EXT1: variants seen among roughly 807,000 people sequenced by gnomAD.
EXT1 encodes exostosin-1.
Under a neutral mutation model 82.5 loss-of-function variants are expected in EXT1, and 20 were observed. The ratio of observed to expected loss-of-function variants is 0.24; its 90% CI spans 0.17 to 0.35. The LOEUF (loss-of-function observed/expected upper bound fraction) is 0.35. Ranked by LOEUF, EXT1 falls within the 10% of genes least tolerant of loss-of-function variation. The pLI, the probability that EXT1 is intolerant of heterozygous loss-of-function variation, is 1.00. For synonymous variants in EXT1, 348 were observed against 350.8 expected (o/e 0.99, Z 0.09); for missense variants, 757 against 936.5 (o/e 0.81, Z 2.50).
intron 1 of EXT1, among the ~76,000 whole-genome samples, chr8:117,973,725 G>A (rs548929695): frequency 2.1e-4 from 31 of 150,738 alleles, no homozygotes; most frequent in Non-Finnish European, 2.5e-4. Context: ...CCGTAATCAC[G>A]CCACTGCACT....
At chr8:117,979,223 G>C (rs1015304847) in intron 1 of EXT1, among the ~76,000 whole-genome samples, 3 of 151,900 alleles carry the variant, frequency 2.0e-5, no homozygotes, top group African/African-American at 7.3e-5. Context: ...CACTGGGGGG[G>C]TGCACCTGTA....
chr8:118,034,687 T>C (rs1230190337), intron 1 of EXT1, among the ~76,000 whole-genome samples: 1 of 152,202 alleles, frequency 6.6e-6, no homozygotes, highest in Non-Finnish European at 1.5e-5. Context: ...TCTACTTTCC[T>C]GATATGGTCT....
At chr8:117,869,443 A>C (rs1294289271) in intron 1 of EXT1, among the ~76,000 whole-genome samples, 4 of 152,206 alleles carry the variant, frequency 2.6e-5, no homozygotes, top group African/African-American at 7.2e-5. Flanking sequence ...TCTGGTCTCA[A>C]GTGCATGATG....
At chr8:117,917,799 G>T (rs1022328190) in intron 1 of EXT1, among the ~76,000 whole-genome samples, 32 of 152,228 alleles carry the variant, frequency 2.1e-4, no homozygotes, top group African/African-American at 7.5e-4. Context: ...GGTGGGTGGC[G>T]CTGTTAGTCC....
At chr8:117,976,460 T>G (rs144798137) in intron 1 of EXT1, among the ~76,000 whole-genome samples, 8 of 152,220 alleles carry the variant, frequency 5.3e-5, no homozygotes, top group African/African-American at 1.4e-4. Context: ...AAGCCACAGA[T>G]AACCACAACC....
intron 1 of EXT1, among the ~76,000 whole-genome samples, chr8:118,050,994 C>A (rs969774162): frequency 6.6e-6 from 1 of 152,172 alleles, no homozygotes; most frequent in Non-Finnish European, 1.5e-5. Flanking sequence ...AAAAAAGAAT[C>A]CCTGCTATTA....
At chr8:118,000,131 C>A (rs117730661) in intron 1 of EXT1, among the ~76,000 whole-genome samples, 1 of 152,066 alleles carries the variant, frequency 6.6e-6, no homozygotes, top group South Asian at 2.1e-4. Context: ...CAAATGTGAT[C>A]CTGTTCCTCC....
chr8:118,045,019 G>T (rs191856875), intron 1 of EXT1, among the ~76,000 whole-genome samples: 1 of 152,184 alleles, frequency 6.6e-6, no homozygotes, highest in South Asian at 2.1e-4. Flanking sequence ...GCAAAGATAA[G>T]ACGTAAGTCT....
intron 1 of EXT1, among the ~76,000 whole-genome samples, chr8:118,037,167 C>A (rs1180086452): frequency 6.6e-6 from 1 of 152,116 alleles, no homozygotes; most frequent in Non-Finnish European, 1.5e-5. Context: ...TGATTCTCTT[C>A]AGAATGTTTT....
rs772344042 is a variant in EXT1 at position 117,807,219 on chromosome 8, G to A, written c.1881C>T (p.His627=). 58 of 1,614,076 alleles carry A rather than the reference G, an allele frequency of 3.6e-5. 1 individual carries two copies. The South Asian group carries it at 6.1e-4, about 17-fold the overall frequency. The change falls in exon 9 of 11, where the codon CAC becomes CAT. Residue 627 remains histidine (H), a splice_region_variant and synonymous_variant. Transcript: ENST00000378204. ...AGAGACATGTCCAGATTCCTCACTT[G>A]TGGTAAATAGCAGCTCCTGTCAACA... ...SMVLTGAAIY[H]KYYHYLYSHY...
intron 1 of EXT1, among the ~76,000 whole-genome samples, chr8:117,942,905 G>A (rs750723147): frequency 2.0e-5 from 3 of 152,188 alleles, no homozygotes; most frequent in Non-Finnish European, 4.4e-5. Context: ...CAGTCAAAGT[G>A]ATCCTGGGGA....
At position 117,830,326 on chromosome 8, in the gene EXT1, A is replaced by C; in HGVS notation, c.1188T>G (p.Ile396Met). Residue 396 changes from isoleucine (I) to methionine (M), a missense_variant, in exon 4 of 11, where the codon ATT becomes ATG. Transcript: ENST00000378204. ...LLQIPSTIRS[I>M]HQDKILALRQ... Reference sequence around the variant, plus strand: ...TAAGTGCTAGGATTTTATCCTGATGAATAGACCTGATTGTAGAAGGAATCT... The same window carrying C: ...TAAGTGCTAGGATTTTATCCTGATGCATAGACCTGATTGTAGAAGGAATCT... 1 of 1,614,072 alleles carries C rather than the reference A, an allele frequency of 6.2e-7. No individual in the cohort carries two copies. The highest frequency in any genetic ancestry group is 8.5e-7 in the Non-Finnish European group (1 of 1,179,972).
intron 1 of EXT1, among the ~76,000 whole-genome samples, chr8:117,967,455 A>T (rs2129732072): frequency 6.6e-6 from 1 of 152,338 alleles, no homozygotes; most frequent in African/African-American, 2.4e-5. Flanking sequence ...ATTTCCCTTC[A>T]CAAGAGGAGG....
At chr8:118,086,515 C>T (rs1817421874) in intron 1 of EXT1, among the ~76,000 whole-genome samples, 1 of 152,128 alleles carries the variant, frequency 6.6e-6, no homozygotes, top group African/African-American at 2.4e-5. Flanking sequence ...TTGCCAAGTA[C>T]GTTCAAAAAT....
chr8:118,032,373 G>A (rs1044339558), intron 1 of EXT1, among the ~76,000 whole-genome samples: 1 of 151,774 alleles, frequency 6.6e-6, no homozygotes, highest in African/African-American at 2.4e-5. Context: ...GGATTCCGAG[G>A]CATTTGAGAA....
chr8:118,018,422 GA>G, intron 1 of EXT1, among the ~76,000 whole-genome samples: 1 of 152,126 alleles, frequency 6.6e-6, no homozygotes, highest in East Asian at 1.9e-4. Context: ...AAAATCCCCA[GA>G]AGCTAGGCAA....
chr8:117,888,059 T>C (rs753558607), intron 1 of EXT1, among the ~76,000 whole-genome samples: 43 of 151,458 alleles, frequency 2.8e-4, no homozygotes, highest in Non-Finnish European at 5.6e-4. Flanking sequence ...CACTCCAGCC[T>C]GGGCAACAAG....
chr8:117,830,701 T>C (rs531721926), intron 3 of EXT1, among the ~76,000 whole-genome samples: 24 of 152,326 alleles, frequency 1.6e-4, no homozygotes, highest in African/African-American at 4.6e-4. Flanking sequence ...GGGGTAACTA[T>C]AGGTCTTGGG....
At chr8:118,037,830 T>A in intron 1 of EXT1, among the ~76,000 whole-genome samples, 2 of 145,546 alleles carry the variant, frequency 1.4e-5, no homozygotes, top group South Asian at 2.2e-4. Flanking sequence ...AACAAGAGTG[T>A]TTTTTGTTTT....
Sources: gnomAD v4.1 joint callset for allele counts (sites outside exome capture counted in the v4.1 genomes callset) on GRCh38, gnomAD v4.1.1 for gene constraint, MANE v1.5 for transcripts, NCBI Gene and HGNC (gene_info 2026-07-23, HGNC 2026-07-21) for gene names.